Variants in CELF2 observed in about 807,000 individuals in gnomAD.
CELF2 encodes the protein CUG triplet repeat RNA-binding protein 2.
In CELF2, 8 loss-of-function variants were observed where a neutral mutation model predicts 62.6. The observed-to-expected ratio is 0.13, with a 90% CI of 0.07 to 0.23. The LOEUF (loss-of-function observed/expected upper bound fraction) is 0.23. Among genes scored for constraint, CELF2 ranks in the 10% least tolerant of loss-of-function variants. The pLI, the probability that CELF2 is intolerant of heterozygous loss-of-function variation, is 1.00. For synonymous variants in CELF2, 258 were observed against 250.0 expected (o/e 1.03, Z -0.30); for missense variants, 333 against 671.0 (o/e 0.50, Z 5.56).
At chr10:10,682,155 T>C in the CELF2 span, among the ~76,000 whole-genome samples, 1 of 152,080 alleles carries the variant, frequency 6.6e-6, no homozygotes, top group Non-Finnish European at 1.5e-5. Context: ...CCACCCCGAG[T>C]AAAATCTTAT....
chr10:11,119,864 T>TCCCCC (rs57433204), intron 1 of CELF2, among the ~76,000 whole-genome samples: 23 of 112,042 alleles, frequency 2.1e-4, no homozygotes, highest in Non-Finnish European at 2.7e-4. Flanking sequence ...TGATTCCGCC[T>TCCCCC]CCCCCCCCCC....
chr10:10,569,397 A>T, the CELF2 span, among the ~76,000 whole-genome samples: 1 of 152,158 alleles, frequency 6.6e-6, no homozygotes, highest in Non-Finnish European at 1.5e-5. Flanking sequence ...ACTCACTACC[A>T]CGAGAAAAGT....
intron 1 of CELF2, among the ~76,000 whole-genome samples, chr10:11,134,625 C>G (rs1034958543): frequency 6.6e-6 from 1 of 152,208 alleles, no homozygotes; most frequent in Non-Finnish European, 1.5e-5. Context: ...TTACCGCTGT[C>G]TCCAGCACCT....
chr10:10,650,719 T>C, the CELF2 span, among the ~76,000 whole-genome samples: 2 of 152,208 alleles, frequency 1.3e-5, no homozygotes, highest in African/African-American at 4.8e-5. Flanking sequence ...CTGTCATACA[T>C]TGCTTACTAA....
intron 1 of CELF2, among the ~76,000 whole-genome samples, chr10:11,041,977 C>T (rs1423969191): frequency 6.6e-6 from 1 of 152,076 alleles, no homozygotes; most frequent in African/African-American, 2.4e-5. Flanking sequence ...TATGATCTAC[C>T]CATTGGGGGC....
intron 1 of CELF2, among the ~76,000 whole-genome samples, chr10:11,127,352 A>G (rs1267645900): frequency 1.3e-5 from 2 of 152,318 alleles, no homozygotes; most frequent in Middle Eastern, 3.4e-3. Context: ...CCCAGTAAAC[A>G]TACGTGTGCA....
At chr10:10,637,563 A>G in the CELF2 span, among the ~76,000 whole-genome samples, 4 of 152,170 alleles carry the variant, frequency 2.6e-5, no homozygotes, top group African/African-American at 4.8e-5. Context: ...TAGAGAATAC[A>G]ATGCTTTTCA....
At chr10:11,307,755 TATAG>T (rs2094334629) in intron 9 of CELF2, among the ~76,000 whole-genome samples, 1 of 152,202 alleles carries the variant, frequency 6.6e-6, no homozygotes, top group Non-Finnish European at 1.5e-5. Flanking sequence ...CTGATGAAAC[TATAG>T]AGTTGTGTTC....
Position 10,827,727 on chromosome 10 carries a change from C to G in CELF2, c.53+28910C>G, listed in dbSNP as rs148853790. ...ACTTGTGTGTCGTATCTGTCATTGA[C>G]TTGATTTTTCTCTATGCAAAGAATA... is the stretch of plus-strand genomic sequence containing the variant. On this transcript the variant is annotated intron_variant, in intron 1 of 13. Coordinates refer to the CELF2 transcript ENST00000636488. Among the ~76,000 whole-genome samples, 5 of 152,180 alleles carry G rather than the reference C, an allele frequency of 3.3e-5. No individual in the cohort carries two copies. In the East Asian group the frequency reaches 9.7e-4, roughly 29 times the overall value.
chr10:10,511,285 C>T, the CELF2 span, among the ~76,000 whole-genome samples: 18 of 152,156 alleles, frequency 1.2e-4, no homozygotes, highest in African/African-American at 4.1e-4. Context: ...GTGGTGGTCA[C>T]CTGTAATCCC....
the CELF2 span, among the ~76,000 whole-genome samples, chr10:10,682,652 TC>T: frequency 7.2e-5 from 11 of 152,132 alleles, no homozygotes; most frequent in Admixed American, 6.6e-4. Context: ...ATTTTTTTTT[TC>T]TTCTGGATTC....
chr10:10,785,391 A>C, the CELF2 span, among the ~76,000 whole-genome samples: 1 of 152,262 alleles, frequency 6.6e-6, no homozygotes, highest in South Asian at 2.1e-4. Flanking sequence ...CAAAGGAAAT[A>C]AAATCAATAT....
intron 1 of CELF2, among the ~76,000 whole-genome samples, chr10:11,033,885 G>C (rs2060539580): frequency 6.6e-6 from 1 of 152,074 alleles, no homozygotes; most frequent in Admixed American, 6.5e-5. Context: ...CATTATTGTT[G>C]GACTGAACTG....
chr10:10,718,160 T>C, the CELF2 span, among the ~76,000 whole-genome samples: 1 of 152,216 alleles, frequency 6.6e-6, no homozygotes, highest in Non-Finnish European at 1.5e-5. Flanking sequence ...CAATTTTCTT[T>C]AAACTTCTAA....
chr10:11,301,344 G>A (rs372175244), intron 9 of CELF2, among the ~76,000 whole-genome samples: 83 of 149,726 alleles, frequency 5.5e-4, no homozygotes, highest in African/African-American at 1.1e-3. Context: ...GCCCCTATGC[G>A]GGCCCTGCTC....
At position 10,993,005 on chromosome 10, in the gene CELF2, A is replaced by G. The variant is rs2053593999; in HGVS notation, c.89+73006A>G. The stretch of plus-strand genomic sequence containing the variant: ...TATATATTCTTGTTGTCTCTGTCTC[A>G]GTAAGGTTCATTGACCTTGGTGAGA... On this transcript the variant is annotated intron_variant, in intron 2 of 13. Transcript: ENST00000636488. This position sits in a 1 kb window ranked among gnomAD's most constrained non-coding sequence, Gnocchi z 5.3. 6.6e-6 allele frequency among the ~76,000 whole-genome samples: 1 copy of G among 152,172 alleles called. No homozygotes were observed. The highest frequency in any genetic ancestry group is 6.5e-5 in the Admixed American group (1 of 15,268).
chr10:11,135,438 G>C (rs1247427116), intron 1 of CELF2, among the ~76,000 whole-genome samples: 1 of 152,192 alleles, frequency 6.6e-6, no homozygotes, highest in East Asian at 1.9e-4. Context: ...AAAAACCATT[G>C]AATGTCTGTG....
At chr10:11,299,479 A>T (rs989124983) in intron 9 of CELF2, among the ~76,000 whole-genome samples, 1 of 151,148 alleles carries the variant, frequency 6.6e-6, no homozygotes, top group Non-Finnish European at 1.5e-5. Flanking sequence ...CAGGAAGGCC[A>T]GACTTCAGAC....
the CELF2 span, among the ~76,000 whole-genome samples, chr10:10,471,792 T>G: frequency 9.9e-5 from 15 of 151,878 alleles, no homozygotes; most frequent in Non-Finnish European, 2.1e-4. Flanking sequence ...ATCCTCCTGG[T>G]AATAAATTTT....
Sources: allele counts gnomAD v4.1 joint callset (sites outside exome capture counted in the v4.1 genomes callset), GRCh38; gene constraint gnomAD v4.1.1; non-coding constraint Gnocchi (gnomAD v3.1); transcripts MANE v1.5; gene names NCBI Gene and HGNC (gene_info 2026-07-23, HGNC 2026-07-21).